ANKRD33B: variants seen among roughly 807,000 people sequenced by gnomAD.
ANKRD33B encodes the protein ankyrin repeat domain-containing protein 33B.
A neutral mutation model predicts 21.5 loss-of-function variants in ANKRD33B; 6 were observed. The observed-to-expected ratio is 0.28, with a 90% confidence interval of 0.15 to 0.55. The LOEUF is 0.55. Among genes scored for constraint, ANKRD33B ranks in the 20% least tolerant of loss-of-function variants. ANKRD33B has a pLI of 0.94. For missense variants in ANKRD33B, 698 were observed against 747.2 expected (o/e 0.93, Z 0.77); for synonymous variants, 347 against 342.4 (o/e 1.01, Z -0.15).
rs1404113225 is a variant in ANKRD33B at position 10,649,705 on chromosome 5, G to T, written c.1077G>T (p.Glu359Asp). 15 of 1,516,458 alleles carry T rather than the reference G, an allele frequency of 9.9e-6. No homozygotes were observed. The Admixed American group carries it at 2.2e-4, about 22-fold the overall frequency. 93.9% of individuals were successfully genotyped at this position (1,516,458 alleles called of 1,614,324 possible). Residue 359 changes from glutamate to aspartate, a missense_variant, in exon 4 of 4, where the codon GAG becomes GAT. By Grantham distance (45) the Glu-to-Asp change is conservative. Coordinates refer to ENST00000296657, the MANE Select transcript of ANKRD33B (RefSeq NM_001164440.2). ...CACGGGGCCCCCAGGCGCAGGAGGA[G>T]GATGAGGTGGGGGGCGCGGGGCAGC... is the stretch of plus-strand genomic sequence containing the variant. ...RAARGPQAQEEDEVGGAGQRG... is the reference protein window; with the variant it reads ...RAARGPQAQEDDEVGGAGQRG...
At chr5:10,644,715 T>C (rs1469768797) in intron 3 of ANKRD33B, among the ~76,000 whole-genome samples, 1 of 152,268 alleles carries the variant, frequency 6.6e-6, no homozygotes, top group African/African-American at 2.4e-5. Flanking sequence ...TAAGGAAAAC[T>C]TAAATTTCCT....
chr5:10,581,147 T>G (rs991688561), intron 1 of ANKRD33B, among the ~76,000 whole-genome samples: 1 of 152,216 alleles, frequency 6.6e-6, no homozygotes, highest in African/African-American at 2.4e-5. Flanking sequence ...TGGGGCCTGG[T>G]CCCACCCCTT....
intron 1 of ANKRD33B, among the ~76,000 whole-genome samples, chr5:10,571,880 A>G (rs1379069358): frequency 1.6e-5 from 2 of 122,792 alleles, no homozygotes; most frequent in African/African-American, 5.9e-5. Context: ...AGGCATCCGT[A>G]TTTTCTTTTT....
In ANKRD33B at chr5:10,597,551, A is replaced by G. The variant is rs1735844213; in HGVS notation, c.367-20782A>G. Among the ~76,000 whole-genome samples the G allele has an allele frequency of 3.3e-5, 5 of 152,220 alleles. No individual in the cohort carries two copies. The South Asian group carries it at 8.3e-4, about 25-fold the overall frequency. On this transcript the variant is annotated intron_variant, in intron 1 of 3. Transcript: ENST00000296657. ...ACCCAGATTCATGAGGCAAATTTGT[A>G]GAGACCTACAAAGAGACTTAGACTC...
chr5:10,656,327 C>T lies in ANKRD33B; in HGVS notation c.*6214C>T, dbSNP rs937500619. On this transcript the variant is annotated 3_prime_UTR_variant, in exon 4 of 4. Coordinates refer to ENST00000296657, the MANE Select transcript of ANKRD33B (RefSeq NM_001164440.2). ...CATACACAATTTCCTCACGCTGACC[C>T]AGCCTGACTAAGACTTGATAAAAGG... 1 of 152,408 alleles carries T rather than the reference C, an allele frequency of 6.6e-6. No individual in the cohort carries two copies. Among genetic ancestry groups the T allele is most frequent in the South Asian group, 2.1e-4 (1 of 4,830 alleles). The allele number at this position is 152,408 out of a possible 1,614,324, so 9.4% of individuals were successfully genotyped here.
At chr5:10,632,167 G>A (rs560064468) in intron 2 of ANKRD33B, among the ~76,000 whole-genome samples, 189 of 152,088 alleles carry the variant, frequency 1.2e-3, no homozygotes, top group African/African-American at 4.3e-3. Flanking sequence ...TTTCCTTCTC[G>A]GAGGCCCGTG....
Position 10,652,866 on chromosome 5 carries a change from A to C in ANKRD33B, c.*2753A>C, listed in dbSNP as rs887117984. ...GCTCTAGAGATACCTGCATTTTGAA[A>C]AGCCTGCTGAGCCAACAAGCTTGGG... On this transcript the variant is annotated 3_prime_UTR_variant, in exon 4 of 4. Transcript: ENST00000296657. The surrounding 1 kb of genome is among the most constrained non-coding windows in gnomAD (Gnocchi z 4.1). 2 of 254,112 alleles carry C rather than the reference A, an allele frequency of 7.9e-6. No individual in the cohort carries two copies. The highest frequency in any genetic ancestry group is 8.3e-6 in the Non-Finnish European group (1 of 121,034). 15.7% of individuals were successfully genotyped at this position (254,112 alleles called of 1,614,324 possible).
chr5:10,632,260 A>T (rs1360005786), intron 2 of ANKRD33B, among the ~76,000 whole-genome samples: 2 of 151,984 alleles, frequency 1.3e-5, no homozygotes, highest in African/African-American at 4.8e-5. Flanking sequence ...GAACTTGAAG[A>T]TGAGTCATCC....
intron 1 of ANKRD33B, among the ~76,000 whole-genome samples, chr5:10,567,043 A>T (rs879410131): frequency 6.6e-6 from 1 of 152,200 alleles, no homozygotes; most frequent in Admixed American, 6.5e-5. Flanking sequence ...TGATTACAGC[A>T]GAAGTGAAGA....
intron 3 of ANKRD33B, among the ~76,000 whole-genome samples, chr5:10,645,855 T>A (rs1737177188): frequency 6.6e-6 from 1 of 152,204 alleles, no homozygotes; most frequent in Non-Finnish European, 1.5e-5. Flanking sequence ...AGCCGTTAGA[T>A]TCCAATAGTG....
chr5:10,634,491 ACT>A (rs1479697096), intron 2 of ANKRD33B, among the ~76,000 whole-genome samples: 1 of 138,882 alleles, frequency 7.2e-6, no homozygotes, highest in Non-Finnish European at 1.5e-5. Flanking sequence ...ACAGGGTCTC[ACT>A]CTGTCGTCCA....
At chr5:10,569,835 TC>T (rs1432174117) in intron 1 of ANKRD33B, among the ~76,000 whole-genome samples, 1 of 151,972 alleles carries the variant, frequency 6.6e-6, no homozygotes, top group African/African-American at 2.4e-5. Flanking sequence ...GCATTCTGAG[TC>T]TAGCAGCAGT....
rs931164290 is a variant in ANKRD33B, at chr5:10,649,826, G to C, written c.1198G>C (p.Ala400Pro). ...GGGGTCCCGGGGCCCCGCAGCGCCCGCCCCGCGGAAGGCCAGCCTCCTGCC... is the reference window on the plus strand; with the variant it reads ...GGGGTCCCGGGGCCCCGCAGCGCCCCCCCCGCGGAAGGCCAGCCTCCTGCC... ...ALGSRGPAAP[A>P]PRKASLLPLQ... is the part of the protein sequence containing the mutation. The change falls in exon 4 of 4, where the codon GCC becomes CCC. Residue 400 changes from alanine to proline, a missense_variant. Physicochemically the swap from Ala to Pro is conservative, Grantham distance 27. Transcript: ENST00000296657. 5.0e-6 allele frequency: 7 copies of C among 1,388,846 alleles called. No homozygotes were observed. The African/African-American group carries it at 6.1e-5, about 12-fold the overall frequency. 86.0% of individuals were successfully genotyped at this position (1,388,846 alleles called of 1,614,324 possible).
chr5:10,606,445 A>G (rs956087448), intron 1 of ANKRD33B, among the ~76,000 whole-genome samples: 3 of 152,160 alleles, frequency 2.0e-5, no homozygotes, highest in African/African-American at 7.2e-5. Context: ...AGATAAAAAT[A>G]CAAATATTGG....
chr5:10,611,841 G>T (rs1329140789), intron 1 of ANKRD33B, among the ~76,000 whole-genome samples: 1 of 152,224 alleles, frequency 6.6e-6, no homozygotes, highest in African/African-American at 2.4e-5. Flanking sequence ...TTGCTGCCTG[G>T]TTGAGACTTG....
chr5:10,595,162 A>G (rs1357459801), intron 1 of ANKRD33B, among the ~76,000 whole-genome samples: 1 of 152,034 alleles, frequency 6.6e-6, no homozygotes, highest in Non-Finnish European at 1.5e-5. Context: ...GCCAGACCGG[A>G]GGGTTACATC....
intron 1 of ANKRD33B, among the ~76,000 whole-genome samples, chr5:10,568,284 C>T (rs914791583): frequency 6.6e-6 from 1 of 152,162 alleles, no homozygotes; most frequent in African/African-American, 2.4e-5. Flanking sequence ...TGTTTTGTTC[C>T]TTCTGACTTG....
intron 1 of ANKRD33B, among the ~76,000 whole-genome samples, chr5:10,600,896 G>T (rs533053138): frequency 6.6e-6 from 1 of 152,136 alleles, no homozygotes; most frequent in South Asian, 2.1e-4. Flanking sequence ...GCATTTCCCT[G>T]TGACTAACGA....
At chr5:10,592,450 TAAAAAAAAAAA>T (rs35660672) in intron 1 of ANKRD33B, among the ~76,000 whole-genome samples, 1 of 69,112 alleles carries the variant, frequency 1.4e-5, no homozygotes, top group African/African-American at 6.2e-5. Flanking sequence ...CCATCTCTAC[TAAAAAAAAAAA>T]AAAAAAAAAA....
Sources: gnomAD v4.1 joint callset for allele counts (sites outside exome capture counted in the v4.1 genomes callset) on GRCh38, gnomAD v4.1.1 for gene constraint, Gnocchi (gnomAD v3.1) non-coding constraint, MANE v1.5 for transcripts, NCBI Gene and HGNC (gene_info 2026-07-23, HGNC 2026-07-21) for gene names.